SLC6A3: variants seen among roughly 807,000 people sequenced by gnomAD.
SLC6A3 encodes sodium-dependent dopamine transporter.
SLC6A3 carries 19 observed loss-of-function variants against 70.4 expected under a neutral mutation model. The observed-to-expected ratio is 0.27, with a 90% CI of 0.19 to 0.40. SLC6A3 has a LOEUF of 0.40. SLC6A3 is among the 10% of genes least tolerant of loss of function. SLC6A3 has a pLI of 1.00. For synonymous variants in SLC6A3, 368 were observed against 356.6 expected (o/e 1.03, Z -0.36); for missense variants, 613 against 838.5 (o/e 0.73, Z 3.32).
rs537994726 is a variant in SLC6A3, at chr5:1,423,818, C to T, written c.654-1804G>A. Among the ~76,000 whole-genome samples, 129 of 152,318 alleles carry T rather than the reference C, an allele frequency of 8.5e-4. 2 individuals carry two copies. Among genetic ancestry groups the T allele is most frequent in the Admixed American group, 5.1e-3 (78 of 15,304 alleles). ...ACTGTAACAGCCGTGCCGCTGCCAC[C>T]GTAGAGTCAGGAGCTGTGACAGACA... On this transcript the variant is annotated intron_variant, in intron 4 of 14. Transcript: ENST00000270349.
Position 1,404,858 on chromosome 5 carries a change from C to A in SLC6A3, c.1599+1330G>T, listed in dbSNP as rs1007623936. On this transcript the variant is annotated intron_variant, in intron 12 of 14. Transcript: ENST00000270349. The surrounding 1 kb of genome is among the most constrained non-coding windows in gnomAD (Gnocchi z 5.2). ...ACGAAGTGTGTTTCTGTATGAAGTT[C>A]GAAGATTTAGTCTAAGATCAGTAGA... 1.4e-4 allele frequency among the ~76,000 whole-genome samples: 22 copies of A among 152,170 alleles called. No homozygotes were observed. Among genetic ancestry groups the A allele is most frequent in the African/African-American group, 4.3e-4 (18 of 41,426 alleles).
chr5:1,398,564 T>C (rs1468941700), intron 14 of SLC6A3, among the ~76,000 whole-genome samples: 1 of 152,196 alleles, frequency 6.6e-6, no homozygotes, highest in Non-Finnish European at 1.5e-5. Flanking sequence ...TGTAAATGGA[T>C]TAACCTGTCC....
At chr5:1,444,869 C>T (rs1372880739) in intron 1 of SLC6A3, among the ~76,000 whole-genome samples, 7 of 152,248 alleles carry the variant, frequency 4.6e-5, no homozygotes, top group Admixed American at 4.6e-4. Context: ...CCCGGCCTCC[C>T]CGCCCTGCCC....
At chr5:1,430,673 C>T (rs1447475311) in intron 4 of SLC6A3, among the ~76,000 whole-genome samples, 3 of 152,144 alleles carry the variant, frequency 2.0e-5, no homozygotes, top group Admixed American at 6.5e-5. Flanking sequence ...TCTGTTGATA[C>T]GGTTTTCAGA....
Position 1,405,486 on chromosome 5 carries a change from C to A in SLC6A3, c.1599+702G>T, listed in dbSNP as rs973932754. 6.6e-6 allele frequency among the ~76,000 whole-genome samples: 1 copy of A among 152,218 alleles called. No individual in the cohort carries two copies. The highest frequency in any genetic ancestry group is 1.5e-5 in the Non-Finnish European group (1 of 68,044). On this transcript the variant is annotated intron_variant, in intron 12 of 14. Coordinates refer to ENST00000270349, the MANE Select transcript of SLC6A3 (RefSeq NM_001044.5). This position sits in a 1 kb window ranked among gnomAD's most constrained non-coding sequence, Gnocchi z 5.3. The stretch of plus-strand genomic sequence containing the variant: ...GGTGCTTCTCTACGTGAGCAGCTCA[C>A]GGGACACTCTGCTTAGACTTGGACA...
In SLC6A3 at chr5:1,411,427, C is replaced by T; in HGVS notation, c.1157-72G>A. The T allele has an allele frequency of 8.7e-7, 1 of 1,153,386 alleles. No homozygotes were observed. 71.4% of individuals were successfully genotyped at this position (1,153,386 alleles called of 1,614,324 possible). A position where few individuals can be genotyped will look rare whatever the true frequency, so the allele number is the denominator to read the frequency against. On this transcript the variant is annotated intron_variant, in intron 8 of 14. Transcript: ENST00000270349. This position sits in a 1 kb window ranked among gnomAD's most constrained non-coding sequence, Gnocchi z 6.5. ...TCCCGCCCATCCTGCCCCACCCCGC[C>T]CCGAGAAGCATGGCCTGCCACAGGC...
At chr5:1,395,662 G>A (rs1185237577) in intron 14 of SLC6A3, among the ~76,000 whole-genome samples, 2 of 152,216 alleles carry the variant, frequency 1.3e-5, no homozygotes, top group Non-Finnish European at 2.9e-5. Flanking sequence ...AGGAAGCTGG[G>A]GTCAGGGAGC....
chr5:1,403,204 G>T, intron 12 of SLC6A3, 115 bp from the exon 13 acceptor site: 1 of 1,244,322 alleles, frequency 8.0e-7, no homozygotes. Flanking sequence ...AGCTGTGCAG[G>T]TGCAGACCCC....
Position 1,406,182 on chromosome 5 carries a change from C to T in SLC6A3, c.1599+6G>A. On this transcript the variant is annotated splice_donor_region_variant and intron_variant, in intron 12 of 14. Transcript: ENST00000270349. The surrounding 1 kb of genome is among the most constrained non-coding windows in gnomAD (Gnocchi z 8.8). ...GGGGAAGGGCAGGTGGCCCGAGGTC[C>T]CTTACCAGGAGAAAGCAGGGGCTGA... 1.2e-6 allele frequency: 2 copies of T among 1,608,608 alleles called. No individual in the cohort carries two copies. The highest frequency in any genetic ancestry group is 1.7e-6 in the Non-Finnish European group (2 of 1,176,052).
At chr5:1,415,811 C>A (rs958583480) in intron 7 of SLC6A3, among the ~76,000 whole-genome samples, 1 of 152,146 alleles carries the variant, frequency 6.6e-6, no homozygotes. Context: ...AGGGGCTGGC[C>A]TTGCCACTTG....
At position 1,397,017 on chromosome 5, in the gene SLC6A3, ATAAT is replaced by A. The variant is rs1560903599; in HGVS notation, c.1840-2263_1840-2260del. On this transcript the variant is annotated intron_variant, in intron 14 of 14. Coordinates refer to ENST00000270349, the MANE Select transcript of SLC6A3 (RefSeq NM_001044.5). The surrounding 1 kb of genome is among the most constrained non-coding windows in gnomAD (Gnocchi z 4.7). Reference sequence around the variant, plus strand: ...GTCTGTTTGTTACGGTGACAAATTAATAATTTAAAAATGGCCACATGTGGATTAA... The same window carrying A: ...GTCTGTTTGTTACGGTGACAAATTAATTAAAAATGGCCACATGTGGATTAA... Among the ~76,000 whole-genome samples the A allele has an allele frequency of 1.3e-5, 2 of 152,210 alleles. No individual in the cohort carries two copies. The highest frequency in any genetic ancestry group is 2.9e-5 in the Non-Finnish European group (2 of 68,034).
chr5:1,399,816 G>A (rs940565487), intron 14 of SLC6A3, among the ~76,000 whole-genome samples: 4 of 152,196 alleles, frequency 2.6e-5, no homozygotes, highest in Non-Finnish European at 5.9e-5. Context: ...GCTCAGAGGC[G>A]GCTTCTCCCC....
rs201605046 is a variant in SLC6A3, at chr5:1,414,710, G to A, written c.1137C>T (p.Ile379=). The A allele has an allele frequency of 5.6e-4, 906 of 1,612,556 alleles. 8 individuals carry two copies. The highest frequency in any genetic ancestry group is 4.6e-3 in the South Asian group (417 of 91,080). The change falls in exon 8 of 15, where the codon ATC becomes ATT. Residue 379 remains isoleucine, a synonymous_variant. Coordinates refer to ENST00000270349, the MANE Select transcript of SLC6A3 (RefSeq NM_001044.5). ...GYMAQKHSVP[I]GDVAKDGPGL... ...GCTCACCGTCCTTGGCCACGTCCCCGATGGGCACACTGTGCTTCTGTGCCA... is the reference window on the plus strand; with the variant it reads ...GCTCACCGTCCTTGGCCACGTCCCCAATGGGCACACTGTGCTTCTGTGCCA...
intron 4 of SLC6A3, among the ~76,000 whole-genome samples, chr5:1,430,719 G>A (rs409588): frequency 1.3e-5 from 2 of 151,468 alleles, no homozygotes; most frequent in African/African-American, 4.8e-5. Flanking sequence ...TGTGCGCCCC[G>A]AAGGTGCCCT....
chr5:1,434,826 C>T (rs1756791673), intron 3 of SLC6A3, among the ~76,000 whole-genome samples: 1 of 152,156 alleles, frequency 6.6e-6, no homozygotes, highest in African/African-American at 2.4e-5. Context: ...TGTTCTCATG[C>T]TCAGGGCACC....
At chr5:1,433,700 C>T (rs1756761620) in intron 3 of SLC6A3, among the ~76,000 whole-genome samples, 2 of 152,096 alleles carry the variant, frequency 1.3e-5, no homozygotes, top group Admixed American at 6.5e-5. Flanking sequence ...CATCTACAGA[C>T]ATCCACAACT....
Position 1,413,427 on chromosome 5 carries a change from G to C in SLC6A3, c.1156+1264C>G, listed in dbSNP as rs1466853061. Among the ~76,000 whole-genome samples the C allele has an allele frequency of 6.6e-6, 1 of 152,186 alleles. No homozygotes were observed. Among genetic ancestry groups the C allele is most frequent in the African/African-American group, 2.4e-5 (1 of 41,436 alleles). ...TCCTACCTGCGGTGCGAGGGTCCTA[G>C]TGCCCCACTCTGTGAGACTCAGGTG... On this transcript the variant is annotated intron_variant, in intron 8 of 14. Transcript: ENST00000270349. The surrounding 1 kb of genome is among the most constrained non-coding windows in gnomAD (Gnocchi z 7.1).
chr5:1,442,873 C>T lies in SLC6A3; in HGVS notation c.286+39G>A. 2 of 1,612,444 alleles carry T rather than the reference C, an allele frequency of 1.2e-6. No individual in the cohort carries two copies. Among genetic ancestry groups the T allele is most frequent in the Non-Finnish European group, 1.7e-6 (2 of 1,178,668 alleles). ...GCCCCGGCTGCCCCTACGACCCCCG[C>T]CCGGCCAGCATGCTCAGGGAGGCTG... On this transcript the variant is annotated intron_variant, in intron 2 of 14. Coordinates refer to ENST00000270349, the MANE Select transcript of SLC6A3 (RefSeq NM_001044.5). The surrounding 1 kb of genome is among the most constrained non-coding windows in gnomAD (Gnocchi z 5.0).
rs751793471 is a variant in SLC6A3, at chr5:1,432,524, C to T, written c.593G>A (p.Ser198Asn). 3 of 1,614,232 alleles carry T rather than the reference C, an allele frequency of 1.9e-6. No homozygotes were observed. Among genetic ancestry groups the T allele is most frequent in the Non-Finnish European group, 2.5e-6 (3 of 1,180,028 alleles). The change falls in exon 4 of 15, where the codon AGT becomes AAT. Residue 198 changes from serine to asparagine, a missense_variant. Physicochemically the swap from Ser to Asn is conservative, Grantham distance 46. Around this residue, in one of 4 missense-constraint regions of SLC6A3, gnomAD observed 153 missense variants for 249.4 expected, o/e 0.61. Coordinates refer to ENST00000270349, the MANE Select transcript of SLC6A3 (RefSeq NM_001044.5). ...GTCGTTGAGGCCCGAGCTGTCTCCA[C>T]TGGAGTCACCAGGATGGGCATCCGA... is the stretch of plus-strand genomic sequence containing the variant. ...NCSDAHPGDS[S>N]GDSSGLNDTF...
Sources: allele counts gnomAD v4.1 joint callset (sites outside exome capture counted in the v4.1 genomes callset), GRCh38; gene constraint gnomAD v4.1.1; regional missense constraint gnomAD v4.1.1; non-coding constraint Gnocchi (gnomAD v3.1); transcripts MANE v1.5; gene names NCBI Gene and HGNC (gene_info 2026-07-23, HGNC 2026-07-21).